The following CHL1 variants were observed in gnomAD, a reference collection of about 807,000 sequenced individuals.
CHL1 encodes the protein cell adhesion molecule L1 like, also known as neural cell adhesion molecule L1-like protein.
CHL1 carries 96 observed loss-of-function variants against 141.9 expected under a neutral mutation model. The observed-to-expected ratio is 0.68, with a 90% CI of 0.57 to 0.80. The LOEUF (loss-of-function observed/expected upper bound fraction) is 0.80, where lower values mean the gene tolerates loss of function less well. Ranked by LOEUF, CHL1 falls within the 30% of genes least tolerant of loss-of-function variation. The pLI is 0.00. For missense variants in CHL1, 1,820 were observed against 1,457.2 expected (o/e 1.25, Z -4.05); for synonymous variants, 613 against 502.2 (o/e 1.22, Z -2.95).
intron 2 of CHL1, among the ~76,000 whole-genome samples, chr3:317,890 C>T (rs770001404): frequency 3.3e-5 from 5 of 151,762 alleles, no homozygotes; most frequent in Non-Finnish European, 5.9e-5. Context: ...TGTCAATTAA[C>T]ATAGTGACAC....
chr3:384,689 C>T (rs1707463726), intron 19 of CHL1: 1 of 152,170 alleles, frequency 6.6e-6, no homozygotes, highest in Non-Finnish European at 1.5e-5. Context: ...AGGAAATTAT[C>T]ATTCAACCAT....
At chr3:334,943 G>A (rs1426777246) in intron 5 of CHL1, among the ~76,000 whole-genome samples, 1 of 152,118 alleles carries the variant, frequency 6.6e-6, no homozygotes, top group Non-Finnish European at 1.5e-5. Context: ...AAAAATAAAA[G>A]AATGAATAAA....
intron 2 of CHL1, among the ~76,000 whole-genome samples, chr3:246,288 A>G (rs1160265779): frequency 2.0e-5 from 3 of 152,196 alleles, no homozygotes; most frequent in Middle Eastern, 3.4e-3. Flanking sequence ...TCTTGACATT[A>G]TGAAAATGGA....
At chr3:355,545 G>A (rs530148062) in intron 11 of CHL1, among the ~76,000 whole-genome samples, 9 of 152,170 alleles carry the variant, frequency 5.9e-5, no homozygotes, top group Non-Finnish European at 1.3e-4. Flanking sequence ...ATTTTTACGT[G>A]TCAATTGCTT....
In CHL1 at chr3:340,994, A is replaced by G. The variant is rs528690032; in HGVS notation, c.508+78A>G. ...CATATCAATAACATAATGAATCCAA[A>G]GACAAAATAAAAAATAAAGATCTCT... On this transcript the variant is annotated intron_variant, in intron 6 of 27. Transcript: ENST00000256509. The G allele has an allele frequency of 2.5e-5, 36 of 1,413,594 alleles. No homozygotes were observed. The Admixed American group carries it at 8.0e-4, about 32-fold the overall frequency. 87.6% of individuals were successfully genotyped at this position (1,413,594 alleles called of 1,614,324 possible). A position where few individuals can be genotyped will look rare whatever the true frequency, so the allele number is the denominator to read the frequency against.
Position 349,429 on chromosome 3 carries a change from T to G in CHL1, c.919T>G (p.Tyr307Asp). 1 of 1,613,870 alleles carries G rather than the reference T, an allele frequency of 6.2e-7. No homozygotes were observed. The highest frequency in any genetic ancestry group is 8.5e-7 in the Non-Finnish European group (1 of 1,179,816). ...LPKGRETKENYGKTLKIENVS... is the reference protein window; with the variant it reads ...LPKGRETKENDGKTLKIENVS... ...AAAGGGGAGAGAAACAAAAGAAAAT[T>G]ATGGCAAGACTTTGAAGATAGAGAA... The change falls in exon 10 of 28, where the codon TAT becomes GAT. Residue 307 changes from tyrosine to aspartate, a missense_variant. Transcript: ENST00000256509.
intron 1 of CHL1, among the ~76,000 whole-genome samples, chr3:226,211 G>A (rs953457834): frequency 2.7e-5 from 4 of 149,824 alleles, no homozygotes; most frequent in Non-Finnish European, 4.4e-5. Context: ...TAGTAGAGAC[G>A]GGGTTTTACC....
chr3:342,033 A>G lies in CHL1; in HGVS notation c.630A>G (p.Arg210=). The G allele has an allele frequency of 1.2e-6, 2 of 1,613,606 alleles. No homozygotes were observed. Among genetic ancestry groups the G allele is most frequent in the Non-Finnish European group, 8.5e-7 (1 of 1,179,620 alleles). The part of the protein sequence containing the change: ...NDYCCFAAFP[R]LRTIVQKMPM... ...ACTGTTGCTTTGCTGCATTTCCAAG[A>G]TTAAGGACTATTGTACAGAAAATGC... is the stretch of plus-strand genomic sequence containing the variant. Residue 210 remains arginine, a synonymous_variant, in exon 7 of 28, where the codon AGA becomes AGG. Coordinates refer to ENST00000256509, the MANE Select transcript of CHL1 (RefSeq NM_006614.4).
At chr3:360,995 T>C (rs1303466505) in intron 12 of CHL1, among the ~76,000 whole-genome samples, 1 of 151,988 alleles carries the variant, frequency 6.6e-6, no homozygotes, top group Non-Finnish European at 1.5e-5. Context: ...CTATCATAGA[T>C]GGACATTTGG....
intron 1 of CHL1, among the ~76,000 whole-genome samples, chr3:239,619 T>G (rs1468758727): frequency 6.9e-6 from 1 of 144,754 alleles, no homozygotes; most frequent in Non-Finnish European, 1.5e-5. Context: ...TTAAAATTAT[T>G]TTTTCATAGG....
At chr3:376,346 C>G in intron 15 of CHL1, 1 of 499,760 alleles carries the variant, frequency 2.0e-6, no homozygotes. Flanking sequence ...TGTTCAAATG[C>G]AATGGCCCTT....
intron 2 of CHL1, among the ~76,000 whole-genome samples, chr3:292,024 G>C (rs947393153): frequency 6.6e-6 from 1 of 152,286 alleles, no homozygotes; most frequent in Non-Finnish European, 1.5e-5. Flanking sequence ...AGAAAGAAAA[G>C]GTGGAAACGA....
At chr3:275,398 A>G (rs1390670712) in intron 2 of CHL1, among the ~76,000 whole-genome samples, 1 of 152,206 alleles carries the variant, frequency 6.6e-6, no homozygotes, top group Non-Finnish European at 1.5e-5. Context: ...CCAGTTGTGT[A>G]TGGGTTCTTT....
intron 15 of CHL1, among the ~76,000 whole-genome samples, chr3:376,742 T>C (rs1033976662): frequency 6.6e-6 from 1 of 152,210 alleles, no homozygotes; most frequent in South Asian, 2.1e-4. Context: ...TAATATTGTA[T>C]CAAATGGACA....
At chr3:312,844 A>G (rs1699863129) in intron 2 of CHL1, among the ~76,000 whole-genome samples, 1 of 152,212 alleles carries the variant, frequency 6.6e-6, no homozygotes, top group Admixed American at 6.5e-5. Context: ...TATTATACAA[A>G]TCCATTGAGT....
intron 2 of CHL1, among the ~76,000 whole-genome samples, chr3:309,483 CTCTT>C (rs1487766624): frequency 6.1e-5 from 9 of 148,240 alleles, no homozygotes; most frequent in South Asian, 4.3e-4. Flanking sequence ...CTCTCTCTCT[CTCTT>C]TCTTTCTTTT....
At chr3:340,771 A>C in intron 5 of CHL1, 23 bp from the exon 6 acceptor site, 1 of 1,578,494 alleles carries the variant, frequency 6.3e-7, no homozygotes. Context: ...AAAATAACAC[A>C]TTAAAATGAT....
chr3:328,261 G>C lies in CHL1; in HGVS notation c.292G>C (p.Gly98Arg), dbSNP rs1701162050. ...NSGTFRIPNEGHISHFQGKYR... is the reference protein window; with the variant it reads ...NSGTFRIPNERHISHFQGKYR... Reference sequence around the variant, plus strand: ...AGGAACATTCAGGATCCCAAACGAGGGGCACATATCTCACTTTCAAGGGAA... The same window carrying C: ...AGGAACATTCAGGATCCCAAACGAGCGGCACATATCTCACTTTCAAGGGAA... The change falls in exon 5 of 28, where the codon GGG becomes CGG. Residue 98 changes from glycine to arginine, a missense_variant. Physicochemically the swap from Gly to Arg is moderately radical, Grantham distance 125. Transcript: ENST00000256509. 1 of 1,612,610 alleles carries C rather than the reference G, an allele frequency of 6.2e-7. No homozygotes were observed. The highest frequency in any genetic ancestry group is 8.5e-7 in the Non-Finnish European group (1 of 1,179,154).
At chr3:325,863 A>G in intron 3 of CHL1, 96 bp from the exon 4 acceptor site, 1 of 680,082 alleles carries the variant, frequency 1.5e-6, no homozygotes, top group East Asian at 2.8e-5. Context: ...CCTTTCACTT[A>G]TCAGTATACA....
Sources: allele counts gnomAD v4.1 joint callset (sites outside exome capture counted in the v4.1 genomes callset), GRCh38; gene constraint gnomAD v4.1.1; transcripts MANE v1.5; gene names NCBI Gene and HGNC (gene_info 2026-07-23, HGNC 2026-07-21).